The following SAXO1 variants were observed in gnomAD, a reference collection of about 807,000 sequenced individuals.
The protein encoded by SAXO1 is stabilizer of axonemal microtubules 1.
SAXO1 carries 21 observed loss-of-function variants against 17.5 expected under a neutral mutation model. The ratio of observed to expected loss-of-function variants is 1.20; its 90% CI spans 0.85 to 1.72. SAXO1 has a LOEUF of 1.72. Ranked by LOEUF, SAXO1 falls within the 40% of genes most tolerant of loss-of-function variation. SAXO1 has a pLI of 0.00. For missense variants in SAXO1, 843 were observed against 596.0 expected (o/e 1.41, Z -4.32); for synonymous variants, 274 against 216.5 (o/e 1.27, Z -2.33).
intron 1 of SAXO1, among the ~76,000 whole-genome samples, chr9:19,007,465 A>T (rs999507257): frequency 6.6e-6 from 1 of 152,238 alleles, no homozygotes; most frequent in African/African-American, 2.4e-5. Flanking sequence ...ATCTAGCAAT[A>T]TATCTTTAAA....
At chr9:18,953,810 G>A (rs967047157) in intron 1 of SAXO1, among the ~76,000 whole-genome samples, 2 of 152,316 alleles carry the variant, frequency 1.3e-5, no homozygotes, top group Non-Finnish European at 2.9e-5. Context: ...GTAAGAGGAT[G>A]ATCTGCTAAA....
chr9:19,026,640 G>T (rs1835483248), intron 1 of SAXO1, among the ~76,000 whole-genome samples: 1 of 152,232 alleles, frequency 6.6e-6, no homozygotes, highest in Non-Finnish European at 1.5e-5. Context: ...ACTAAGCAAT[G>T]CTTCCCATGT....
At chr9:18,937,615 T>C (rs766492368) in intron 3 of SAXO1, among the ~76,000 whole-genome samples, 1 of 152,154 alleles carries the variant, frequency 6.6e-6, no homozygotes, top group Non-Finnish European at 1.5e-5. Flanking sequence ...TGGGAAATGA[T>C]TGCATCATGC....
chr9:19,009,971 T>C (rs1834656443), intron 1 of SAXO1, among the ~76,000 whole-genome samples: 1 of 151,992 alleles, frequency 6.6e-6, no homozygotes, highest in Non-Finnish European at 1.5e-5. Flanking sequence ...GAACTACAGG[T>C]GCATACCACC....
chr9:18,993,600 G>A (rs931123750), intron 1 of SAXO1, among the ~76,000 whole-genome samples: 16 of 152,156 alleles, frequency 1.1e-4, no homozygotes, highest in African/African-American at 3.6e-4. Context: ...AAAACACAGA[G>A]GAGCACAGCT....
At chr9:18,982,878 C>A (rs1261163085) in intron 1 of SAXO1, among the ~76,000 whole-genome samples, 1 of 152,036 alleles carries the variant, frequency 6.6e-6, no homozygotes, top group Non-Finnish European at 1.5e-5. Flanking sequence ...ACTTCAGAGT[C>A]CAATCAGGAG....
chr9:18,995,117 C>G (rs935167409), intron 1 of SAXO1, among the ~76,000 whole-genome samples: 2 of 152,120 alleles, frequency 1.3e-5, no homozygotes, highest in Admixed American at 6.5e-5. Context: ...AATAAATTAA[C>G]TAATAAAACA....
intron 1 of SAXO1, among the ~76,000 whole-genome samples, chr9:19,007,921 G>C (rs190971346): frequency 1.3e-3 from 197 of 151,256 alleles, no homozygotes; most frequent in Non-Finnish European, 2.3e-3. Flanking sequence ...GAGTTGAATA[G>C]TCACAACACA....
At chr9:19,028,960 C>A (rs755601355) in intron 1 of SAXO1, among the ~76,000 whole-genome samples, 1 of 152,178 alleles carries the variant, frequency 6.6e-6, no homozygotes, top group Non-Finnish European at 1.5e-5. Context: ...AAAATAAAAT[C>A]CAGAACTCCA....
intron 1 of SAXO1, among the ~76,000 whole-genome samples, chr9:18,986,166 A>C (rs1386700366): frequency 1.3e-5 from 2 of 152,270 alleles, no homozygotes; most frequent in Non-Finnish European, 2.9e-5. Flanking sequence ...TTTTAAAAAA[A>C]GCAATTCATT....
chr9:18,970,899 C>T (rs750271590), intron 1 of SAXO1, among the ~76,000 whole-genome samples: 18 of 152,158 alleles, frequency 1.2e-4, no homozygotes, highest in Non-Finnish European at 1.5e-4. Context: ...AAACTTAGCC[C>T]GAGGTCTCTT....
intron 1 of SAXO1, chr9:19,027,544 C>T: frequency 2.7e-6 from 3 of 1,131,634 alleles, no homozygotes; most frequent in Non-Finnish European, 2.7e-6. Context: ...CCCTCCTGGC[C>T]TGGGCCTGTA....
At chr9:18,971,122 C>T (rs1053283510) in intron 1 of SAXO1, among the ~76,000 whole-genome samples, 2 of 152,190 alleles carry the variant, frequency 1.3e-5, no homozygotes, top group African/African-American at 4.8e-5. Flanking sequence ...GAACAGCTAC[C>T]AAAGGGAGTG....
At chr9:18,951,119 G>A (rs891310665) in intron 1 of SAXO1, among the ~76,000 whole-genome samples, 182 bp from the exon 2 acceptor site, 3 of 152,270 alleles carry the variant, frequency 2.0e-5, no homozygotes, top group Admixed American at 6.5e-5. Flanking sequence ...TATAAAGGTG[G>A]TCTGTAACTA....
intron 1 of SAXO1, among the ~76,000 whole-genome samples, chr9:18,979,876 A>C (rs1833300898): frequency 6.6e-6 from 1 of 152,172 alleles, no homozygotes; most frequent in Non-Finnish European, 1.5e-5. Flanking sequence ...TGGAGAAACC[A>C]ATGGCAGTTG....
rs1491379789 is a variant in SAXO1 at position 19,011,850 on chromosome 9, T to TTTG, written c.38+21020_38+21021insCAA. 2.6e-3 allele frequency among the ~76,000 whole-genome samples: 361 copies of TTTG among 138,820 alleles called. 6 individuals carry two copies. The highest frequency in any genetic ancestry group is 9.7e-3 in the African/African-American group (323 of 33,320). The allele number at this position is 138,820 out of a possible 152,430, so 91.1% of individuals were successfully genotyped here. Reference sequence around the variant, plus strand: ...CAATTTTACCATTATTAAGCATAGATTTTTTTTTTTTTTTGAGATGGAGTC... The same window carrying TTTG: ...CAATTTTACCATTATTAAGCATAGATTTGTTTTTTTTTTTTTTGAGATGGAGTC... On this transcript the variant is annotated intron_variant, in intron 1 of 3. Coordinates refer to ENST00000380534, the MANE Select transcript of SAXO1 (RefSeq NM_153707.4).
intron 3 of SAXO1, among the ~76,000 whole-genome samples, chr9:18,930,268 C>CTG (rs1830985049): frequency 6.6e-6 from 1 of 152,206 alleles, no homozygotes; most frequent in Non-Finnish European, 1.5e-5. Context: ...GGAACCTCTG[C>CTG]TGTGGGGCTG....
chr9:19,016,637 C>A (rs1374864949), intron 1 of SAXO1, among the ~76,000 whole-genome samples: 2 of 152,028 alleles, frequency 1.3e-5, no homozygotes, highest in Non-Finnish European at 2.9e-5. Context: ...AAACACCCTA[C>A]AATGCACAGG....
chr9:18,982,950 G>C (rs189549019), intron 1 of SAXO1, among the ~76,000 whole-genome samples: 1 of 152,160 alleles, frequency 6.6e-6, no homozygotes, highest in Non-Finnish European at 1.5e-5. Context: ...AGCTTAGTGT[G>C]AACACTAAGG....
Sources: allele counts gnomAD v4.1 joint callset (sites outside exome capture counted in the v4.1 genomes callset), GRCh38; gene constraint gnomAD v4.1.1; transcripts MANE v1.5; gene names NCBI Gene and HGNC (gene_info 2026-07-23, HGNC 2026-07-21).